The following ITGB1 variants were observed in gnomAD, a reference collection of about 807,000 sequenced individuals.
ITGB1 encodes the protein integrin subunit beta 1, also known as integrin beta-1.
A neutral mutation model predicts 86.5 loss-of-function variants in ITGB1; 24 were observed. The observed-to-expected ratio is 0.28, with a 90% confidence interval of 0.20 to 0.39. The LOEUF (loss-of-function observed/expected upper bound fraction) is 0.39. Ranked by LOEUF, ITGB1 falls within the 10% of genes least tolerant of loss-of-function variation. The pLI, the probability that ITGB1 is intolerant of heterozygous loss-of-function variation, is 1.00. For synonymous variants in ITGB1, 323 were observed against 316.8 expected (o/e 1.02, Z -0.21); for missense variants, 556 against 946.9 (o/e 0.59, Z 5.42).
At chr10:32,930,397 C>G (rs1342225605) in intron 3 of ITGB1, among the ~76,000 whole-genome samples, 1 of 152,130 alleles carries the variant, frequency 6.6e-6, no homozygotes, top group Non-Finnish European at 1.5e-5. Flanking sequence ...AATATCAGAT[C>G]ATTTCTCCAA....
At chr10:32,944,392 G>A (rs574872821) in intron 1 of ITGB1, 8 of 296,910 alleles carry the variant, frequency 2.7e-5, no homozygotes, top group South Asian at 1.9e-4. Context: ...GCCTTGGTCT[G>A]TAAAGGGGCG....
intron 15 of ITGB1, among the ~76,000 whole-genome samples, chr10:32,905,812 A>G (rs2094894703): frequency 6.6e-6 from 1 of 152,222 alleles, no homozygotes; most frequent in South Asian, 2.1e-4. Flanking sequence ...CTGCACAATA[A>G]GGTAGGCAGT....
chr10:32,957,617 C>G, intron 1 of ITGB1: 1 of 152,170 alleles, frequency 6.6e-6, no homozygotes, highest in Non-Finnish European at 1.5e-5. Context: ...GAGACCAGTC[C>G]CCGTCGCGGG....
At chr10:32,938,837 C>T (rs1316591054) in intron 1 of ITGB1, among the ~76,000 whole-genome samples, 3 of 152,192 alleles carry the variant, frequency 2.0e-5, no homozygotes, top group Non-Finnish European at 4.4e-5. Flanking sequence ...ATTAAGAACA[C>T]AGAAGAGCTA....
chr10:32,943,896 A>G (rs949262099), intron 1 of ITGB1, among the ~76,000 whole-genome samples: 2 of 152,222 alleles, frequency 1.3e-5, no homozygotes, highest in African/African-American at 4.8e-5. Flanking sequence ...AAAACTTTTG[A>G]GAAGTACGTA....
rs942464178 is a variant in ITGB1 at position 32,908,542 on chromosome 10, A to G, written c.2165-8T>C. On this transcript the variant is annotated splice_region_variant and splice_polypyrimidine_tract_variant and intron_variant, in intron 14 of 15. Transcript: ENST00000302278. ...CTGGACCAGTGGGACACTCTGGAAA[A>G]TAAGAAGGTAATAATGAGCACCACA... 4 of 1,612,830 alleles carry G rather than the reference A, an allele frequency of 2.5e-6. No individual in the cohort carries two copies. The African/African-American group carries it at 4.0e-5, about 16-fold the overall frequency.
At position 32,922,151 on chromosome 10, in the gene ITGB1, T is replaced by C. The variant is rs1260966054; in HGVS notation, c.1128+106A>G. The stretch of plus-strand genomic sequence containing the variant: ...ATACAGAATTTAAGTTTTTCTGTAG[T>C]ACTTTGGGCTCGCTAAAGTGTGTAT... On this transcript the variant is annotated intron_variant, in intron 9 of 15. Transcript: ENST00000302278. 1.1e-4 allele frequency: 72 copies of C among 633,126 alleles called. 1 individual carries two copies. In the South Asian group the frequency reaches 1.7e-3, roughly 15 times the overall value. 39.2% of individuals were successfully genotyped at this position (633,126 alleles called of 1,614,324 possible). A position where few individuals can be genotyped will look rare whatever the true frequency, so the allele number is the denominator to read the frequency against.
intron 13 of ITGB1, among the ~76,000 whole-genome samples, chr10:32,911,017 G>A (rs1348083669): frequency 1.3e-5 from 2 of 152,168 alleles, no homozygotes; most frequent in African/African-American, 4.8e-5. Flanking sequence ...GGGATTACAG[G>A]TGTGAGCCAC....
intron 1 of ITGB1, among the ~76,000 whole-genome samples, chr10:32,946,018 CT>C (rs2095030601): frequency 6.6e-6 from 1 of 152,160 alleles, no homozygotes; most frequent in Non-Finnish European, 1.5e-5. Flanking sequence ...ATTATAAGTT[CT>C]TGGATAAGCA....
chr10:32,945,765 A>G (rs1303144903), intron 1 of ITGB1, among the ~76,000 whole-genome samples: 3 of 152,210 alleles, frequency 2.0e-5, no homozygotes, highest in Admixed American at 2.0e-4. Context: ...CAGAAAAAAA[A>G]GCAACTGGAT....
chr10:32,925,266 A>G (rs1301776603), intron 6 of ITGB1, among the ~76,000 whole-genome samples: 3 of 152,224 alleles, frequency 2.0e-5, no homozygotes, highest in Non-Finnish European at 2.9e-5. Context: ...TTATTGAACC[A>G]ATAGGGATGG....
chr10:32,950,663 T>C (rs189531697), intron 1 of ITGB1, among the ~76,000 whole-genome samples: 1 of 151,952 alleles, frequency 6.6e-6, no homozygotes, highest in Non-Finnish European at 1.5e-5. Context: ...AGAAAAGTAG[T>C]CTGAATTAGA....
At chr10:32,937,995 G>GCGTA (rs1257271875) in intron 1 of ITGB1, among the ~76,000 whole-genome samples, 2 of 152,336 alleles carry the variant, frequency 1.3e-5, no homozygotes, top group East Asian at 3.9e-4. Context: ...AAAGAGTTAA[G>GCGTA]CGTAACGTGA....
chr10:32,907,006 G>T, intron 15 of ITGB1: 1 of 774,110 alleles, frequency 1.3e-6, no homozygotes, highest in Non-Finnish European at 2.0e-6. Flanking sequence ...GACACACAGT[G>T]CAGTAAAAAA....
At chr10:32,920,760 C>T (rs183011023) in intron 9 of ITGB1, among the ~76,000 whole-genome samples, 2 of 150,868 alleles carry the variant, frequency 1.3e-5, no homozygotes, top group African/African-American at 4.9e-5. Context: ...ACTGCCTGAG[C>T]TCAGGAGTTG....
chr10:32,913,690 T>C (rs560909084), intron 11 of ITGB1, among the ~76,000 whole-genome samples: 92 of 152,354 alleles, frequency 6.0e-4, no homozygotes, highest in African/African-American at 2.1e-3. Context: ...CGATGTCTGA[T>C]TGGTGTACCA....
chr10:32,913,420 A>T (rs1490094429), intron 11 of ITGB1, among the ~76,000 whole-genome samples: 2 of 152,188 alleles, frequency 1.3e-5, no homozygotes, highest in Non-Finnish European at 2.9e-5. Context: ...AAAAACCTTG[A>T]AAAAAGACTA....
chr10:32,928,182 G>T lies in ITGB1; in HGVS notation c.459C>A (p.Tyr153Ter). The T allele has an allele frequency of 7.5e-7, 1 of 1,337,900 alleles. No individual in the cohort carries two copies. Among genetic ancestry groups the T allele is most frequent in the Non-Finnish European group, 1.1e-6 (1 of 927,484 alleles). 82.9% of individuals were successfully genotyped at this position (1,337,900 alleles called of 1,614,324 possible). Reference sequence around the variant, plus strand: ...CATTCTCCAAATCGTCTTTCATTGAGTAAGACAGGTCCATAAGGTAGTAGA... The same window carrying T: ...CATTCTCCAAATCGTCTTTCATTGATTAAGACAGGTCCATAAGGTAGTAGA... ...IDLYYLMDLS[Y>*]SMKDDLENVK... The change falls in exon 5 of 16, where the codon TAC becomes TAA. Residue 153 changes from tyrosine to a stop codon, truncating the protein, a stop_gained. Coordinates refer to ENST00000302278, the MANE Select transcript of ITGB1 (RefSeq NM_002211.4). LOFTEE classifies it high-confidence loss of function.
intron 15 of ITGB1, among the ~76,000 whole-genome samples, chr10:32,904,081 AC>A (rs1203397291): frequency 6.6e-6 from 1 of 152,114 alleles, no homozygotes; most frequent in African/African-American, 2.4e-5. Context: ...ATATGGAAGA[AC>A]TTACCTTTGG....
Sources: allele counts gnomAD v4.1 joint callset (sites outside exome capture counted in the v4.1 genomes callset), GRCh38; gene constraint gnomAD v4.1.1; transcripts MANE v1.5; gene names NCBI Gene and HGNC (gene_info 2026-07-23, HGNC 2026-07-21).